Variants in ATP9B observed in about 807,000 individuals in gnomAD.
ATP9B encodes the protein probable phospholipid-transporting ATPase IIB.
A neutral mutation model predicts 146.1 loss-of-function variants in ATP9B; 110 were observed. The ratio of observed to expected loss-of-function variants is 0.75; its 90% CI spans 0.65 to 0.88. ATP9B has a LOEUF of 0.88. ATP9B is among the 40% of genes least tolerant of loss of function. The pLI, the probability that ATP9B is intolerant of heterozygous loss-of-function variation, is 0.00. For missense variants in ATP9B, 1,499 were observed against 1,496.4 expected, an observed-to-expected ratio of 1.00 and a Z score of -0.03; for synonymous variants, 604 against 569.7, an observed-to-expected ratio of 1.06 and a Z score of -0.86.
intron 13 of ATP9B, among the ~76,000 whole-genome samples, chr18:79,300,341 G>A (rs973378622): frequency 3.3e-5 from 5 of 152,134 alleles, no homozygotes; most frequent in African/African-American, 9.7e-5. Context: ...GGGTGCCCTC[G>A]TGTCATCCTT....
At position 79,303,679 on chromosome 18, in the gene ATP9B, A is replaced by T. The variant is rs1187880408; in HGVS notation, c.1487A>T (p.Asp496Val). ...GTVSYGADTM[D>V]EIQSHVRDSY... Reference sequence around the variant, plus strand: ...GTGTCCTATGGCGCCGACACGATGGATGAGATCCAGAGCCATGTCAGGGAC... The same window carrying T: ...GTGTCCTATGGCGCCGACACGATGGTTGAGATCCAGAGCCATGTCAGGGAC... Residue 496 changes from aspartate (D) to valine (V), a missense_variant, in exon 14 of 30, where the codon GAT becomes GTT. Transcript: ENST00000426216. 6.2e-7 allele frequency: 1 copy of T among 1,614,038 alleles called. No individual in the cohort carries two copies. The highest frequency in any genetic ancestry group is 1.1e-5 in the South Asian group (1 of 91,068).
At chr18:79,198,020 A>G (rs1167466720) in intron 9 of ATP9B, among the ~76,000 whole-genome samples, 2 of 152,242 alleles carry the variant, frequency 1.3e-5, no homozygotes, top group African/African-American at 2.4e-5. Flanking sequence ...GCTACATAAT[A>G]CACATTTTTC....
chr18:79,175,389 G>A (rs1051073855), intron 7 of ATP9B, among the ~76,000 whole-genome samples: 8 of 152,148 alleles, frequency 5.3e-5, no homozygotes, highest in African/African-American at 1.9e-4. Flanking sequence ...AAAGTGAACA[G>A]TATAAGATAT....
chr18:79,317,281 AT>A (rs1399823034), intron 15 of ATP9B, among the ~76,000 whole-genome samples: 1 of 152,174 alleles, frequency 6.6e-6, no homozygotes, highest in African/African-American at 2.4e-5. Context: ...AGTAAAACTT[AT>A]TTTTTTCAAA....
chr18:79,238,146 T>C (rs7239552), intron 11 of ATP9B, among the ~76,000 whole-genome samples: 44,195 of 152,120 alleles, frequency 0.29, 6,663 homozygotes, highest in African/African-American at 0.36. Flanking sequence ...ACAATAAAAA[T>C]GTTGAGTTCA....
chr18:79,177,193 C>T (rs1286891280), intron 8 of ATP9B, among the ~76,000 whole-genome samples: 1 of 152,114 alleles, frequency 6.6e-6, no homozygotes, highest in Non-Finnish European at 1.5e-5. Context: ...CCCCTTCCCC[C>T]TCTTCCGCCT....
intron 1 of ATP9B, among the ~76,000 whole-genome samples, chr18:79,083,345 G>A (rs151018093): frequency 0.034 from 5,111 of 152,300 alleles, 226 homozygotes; most frequent in East Asian, 0.11. Flanking sequence ...GCTGGGCTCC[G>A]TGGGGGTGGG....
chr18:79,087,092 CCTT>C (rs1379986859), intron 1 of ATP9B, among the ~76,000 whole-genome samples: 2 of 152,254 alleles, frequency 1.3e-5, no homozygotes, highest in East Asian at 3.9e-4. Context: ...TCTGGTGAGG[CCTT>C]CTTGGTGTGT....
intron 15 of ATP9B, 43 bp from the exon 16 acceptor site, chr18:79,329,098 T>C (rs1391272921): frequency 5.4e-6 from 8 of 1,484,768 alleles, no homozygotes; most frequent in Non-Finnish European, 7.2e-6. Context: ...CGTGCGGCTT[T>C]CCTGAGGCAG....
At position 79,377,526 on chromosome 18, in the gene ATP9B, C is replaced by T; in HGVS notation, c.*143C>T. On this transcript the variant is annotated 3_prime_UTR_variant, in exon 30 of 30. Transcript: ENST00000426216. ...GAGGGTACGCCAGGCGAGCCCAGGG[C>T]ACAGATGCTGAGACAGCCTCTCCTT... 1 of 1,114,374 alleles carries T rather than the reference C, an allele frequency of 9.0e-7. No individual in the cohort carries two copies. The allele number at this position is 1,114,374 out of a possible 1,614,324, so 69.0% of individuals were successfully genotyped here. A position where few individuals can be genotyped will look rare whatever the true frequency, so the allele number is the denominator to read the frequency against.
chr18:79,189,460 A>G (rs1473611000), intron 8 of ATP9B, among the ~76,000 whole-genome samples: 3 of 152,170 alleles, frequency 2.0e-5, no homozygotes, highest in African/African-American at 7.2e-5. Flanking sequence ...CACGCAGTCA[A>G]ACATTTATGT....
At chr18:79,201,333 A>G (rs1280048061) in intron 9 of ATP9B, among the ~76,000 whole-genome samples, 1 of 152,246 alleles carries the variant, frequency 6.6e-6, no homozygotes, top group Non-Finnish European at 1.5e-5. Context: ...GAATTCAGTT[A>G]AATTCAAATT....
intron 7 of ATP9B, among the ~76,000 whole-genome samples, chr18:79,155,747 TTCTC>T (rs1361562112): frequency 6.9e-6 from 1 of 144,640 alleles, no homozygotes; most frequent in Non-Finnish European, 1.5e-5. Context: ...GAAACATGTT[TTCTC>T]TCTTTTTTTT....
At chr18:79,368,073 C>T (rs528761024) in intron 26 of ATP9B, among the ~76,000 whole-genome samples, 2 of 152,128 alleles carry the variant, frequency 1.3e-5, no homozygotes, top group Admixed American at 6.5e-5. Context: ...GGCTGGAGGG[C>T]GCCATGGCCC....
At chr18:79,355,012 C>T (rs1186343773) in intron 25 of ATP9B, among the ~76,000 whole-genome samples, 5 of 152,204 alleles carry the variant, frequency 3.3e-5, no homozygotes, top group African/African-American at 9.6e-5. Flanking sequence ...CGAGATGCAG[C>T]GATGCACCCG....
chr18:79,202,677 T>C (rs935178060), intron 9 of ATP9B, among the ~76,000 whole-genome samples: 1 of 152,236 alleles, frequency 6.6e-6, no homozygotes, highest in African/African-American at 2.4e-5. Context: ...TTCATGAGAC[T>C]GGTAAAAAAC....
chr18:79,206,816 C>A, intron 9 of ATP9B, 121 bp from the exon 10 acceptor site: 1 of 833,164 alleles, frequency 1.2e-6, no homozygotes, highest in Non-Finnish European at 1.9e-6. Context: ...TTTGCAGTGC[C>A]TTTGCACTGC....
At chr18:79,099,656 A>G (rs1402128707) in intron 2 of ATP9B, among the ~76,000 whole-genome samples, 1 of 152,074 alleles carries the variant, frequency 6.6e-6, no homozygotes, top group Non-Finnish European at 1.5e-5. Flanking sequence ...AATAGAGACC[A>G]GGTCTTGCTA....
chr18:79,092,324 A>G (rs947754279), intron 1 of ATP9B, among the ~76,000 whole-genome samples: 3 of 152,184 alleles, frequency 2.0e-5, no homozygotes, highest in African/African-American at 7.2e-5. Context: ...CTTGTGCAGC[A>G]TGTTACTGTA....
Sources: gnomAD v4.1 joint callset for allele counts (sites outside exome capture counted in the v4.1 genomes callset) on GRCh38, gnomAD v4.1.1 for gene constraint, MANE v1.5 for transcripts, NCBI Gene and HGNC (gene_info 2026-07-23, HGNC 2026-07-21) for gene names.